The following EYS variants were observed in gnomAD, a reference collection of about 807,000 sequenced individuals.
EYS encodes EGF-like photoreceptor maintenance factor.
A neutral mutation model predicts 282.1 loss-of-function variants in EYS; 250 were observed. The ratio of observed to expected loss-of-function variants is 0.89; its 90% CI spans 0.80 to 0.98. The LOEUF is 0.98. EYS is among the 50% of genes least tolerant of loss of function. The probability of loss-of-function intolerance (pLI) is 0.00; values close to 1 mark genes in which losing one functional copy is unlikely to be tolerated. For synonymous variants in EYS, 1,355 were observed against 1,282.9 expected (o/e 1.06, Z -1.20); for missense variants, 4,016 against 3,709.0 (o/e 1.08, Z -2.15).
In EYS at chr6:64,591,806, C is replaced by A. The variant is rs1766421024; in HGVS notation, c.4061G>T (p.Gly1354Val). 6.4e-7 allele frequency: 1 copy of A among 1,551,158 alleles called. No individual in the cohort carries two copies. The highest frequency in any genetic ancestry group is 8.7e-7 in the Non-Finnish European group (1 of 1,146,698). Residue 1354 changes from glycine to valine, a missense_variant, in exon 26 of 43, where the codon GGT becomes GTT. Transcript: ENST00000503581. ...GACAATTTGTGCTGGGTCACGAATA[C>A]CAAAATTCAGGAATCGAGAAGAGGA... ...DVSSSRFLNF[G>V]IRDPAQIVQD...
intron 12 of EYS, among the ~76,000 whole-genome samples, chr6:65,217,944 A>C (rs1276336979): frequency 6.6e-6 from 1 of 152,072 alleles, no homozygotes; most frequent in Non-Finnish European, 1.5e-5. Context: ...CAAGAGTAGA[A>C]GCACTGAGAC....
chr6:64,775,153 T>G (rs1438484833), intron 22 of EYS, among the ~76,000 whole-genome samples: 3 of 151,940 alleles, frequency 2.0e-5, no homozygotes, highest in Admixed American at 6.6e-5. Flanking sequence ...CCAAATCAAA[T>G]TATTTCTAAA....
intron 22 of EYS, among the ~76,000 whole-genome samples, chr6:64,761,701 C>A (rs1773165358): frequency 6.6e-6 from 1 of 152,134 alleles, no homozygotes; most frequent in Non-Finnish European, 1.5e-5. Flanking sequence ...GTGATCGGCC[C>A]ACCTCGGCCT....
At chr6:64,116,279 A>G (rs1773381757) in intron 31 of EYS, among the ~76,000 whole-genome samples, 1 of 152,136 alleles carries the variant, frequency 6.6e-6, no homozygotes, top group Non-Finnish European at 1.5e-5. Context: ...ACTTTTTAAC[A>G]TATAAGAAAA....
chr6:64,250,321 G>C (rs996936246), intron 30 of EYS, among the ~76,000 whole-genome samples: 1 of 152,144 alleles, frequency 6.6e-6, no homozygotes, highest in Non-Finnish European at 1.5e-5. Context: ...TTCCTGCTCA[G>C]TTGGGTCATA....
intron 2 of EYS, among the ~76,000 whole-genome samples, chr6:65,630,912 G>T (rs1406592040): frequency 6.6e-6 from 1 of 152,144 alleles, no homozygotes; most frequent in Non-Finnish European, 1.5e-5. Context: ...TGGTAGTTAA[G>T]AACCAAAGAT....
rs558365339 is a variant in EYS at position 65,608,225 on chromosome 6, C to T, written c.-333+31553G>A. 2.6e-5 allele frequency among the ~76,000 whole-genome samples: 4 copies of T among 152,104 alleles called. No homozygotes were observed. In the East Asian group the frequency reaches 5.8e-4, roughly 22 times the overall value. ...TAGCCTATTGCTCCTAGGCTACAAA[C>T]CTGTATGAGGTACTACTGTACAGAA... On this transcript the variant is annotated intron_variant, in intron 2 of 42. Transcript: ENST00000503581.
chr6:64,495,106 T>C (rs1047070572), intron 26 of EYS, among the ~76,000 whole-genome samples: 4 of 151,688 alleles, frequency 2.6e-5, no homozygotes, highest in African/African-American at 9.7e-5. Flanking sequence ...TGAATAAATG[T>C]TTATATTATT....
At chr6:64,107,271 G>GTA (rs1262221890) in intron 31 of EYS, among the ~76,000 whole-genome samples, 11 of 99,960 alleles carry the variant, frequency 1.1e-4, no homozygotes, top group South Asian at 3.1e-4. Context: ...GTGTGTGTGT[G>GTA]TATATATATA....
intron 12 of EYS, among the ~76,000 whole-genome samples, chr6:65,063,280 A>G (rs559624947): frequency 1.1e-3 from 165 of 152,058 alleles, no homozygotes; most frequent in Non-Finnish European, 1.8e-3. Flanking sequence ...ATCCTACTGA[A>G]CTTGTTTGAT....
At chr6:65,053,364 T>C (rs1011711943) in intron 13 of EYS, among the ~76,000 whole-genome samples, 3 of 151,842 alleles carry the variant, frequency 2.0e-5, no homozygotes, top group African/African-American at 7.2e-5. Flanking sequence ...AACAAATTCA[T>C]AAATGCATAA....
At chr6:63,969,388 T>G (rs1766450261) in intron 35 of EYS, among the ~76,000 whole-genome samples, 1 of 152,184 alleles carries the variant, frequency 6.6e-6, no homozygotes, top group African/African-American at 2.4e-5. Context: ...AATTTGCATT[T>G]AAAAAAGAGC....
intron 12 of EYS, among the ~76,000 whole-genome samples, chr6:65,128,407 G>A (rs534966584): frequency 3.9e-5 from 6 of 151,942 alleles, no homozygotes; most frequent in East Asian, 1.9e-4. Context: ...ATGACAATAC[G>A]ATTTTATACC....
intron 35 of EYS, among the ~76,000 whole-genome samples, chr6:63,883,391 A>G (rs1773183484): frequency 6.6e-6 from 1 of 152,238 alleles, no homozygotes. Context: ...ACTTCTCACC[A>G]TAAACAGCAA....
chr6:64,288,723 ACAT>A (rs1768589166), intron 30 of EYS, among the ~76,000 whole-genome samples: 1 of 152,210 alleles, frequency 6.6e-6, no homozygotes, highest in Admixed American at 6.6e-5. Flanking sequence ...CCAGGCTGAA[ACAT>A]CATAAAAATT....
intron 19 of EYS, among the ~76,000 whole-genome samples, chr6:64,836,836 C>G (rs115313878): frequency 6.6e-6 from 1 of 151,512 alleles, no homozygotes; most frequent in Non-Finnish European, 1.5e-5. Flanking sequence ...CTGTGAAATT[C>G]CACTTTTGAA....
rs1188564703 is a variant in EYS at position 65,443,373 on chromosome 6, CACATATAG to C, written c.863-38014_863-38007del. 1.4e-5 allele frequency among the ~76,000 whole-genome samples: 2 copies of C among 140,456 alleles called. 1 individual carries two copies. Among genetic ancestry groups the C allele is most frequent in the South Asian group, 4.5e-4 (2 of 4,426 alleles). 92.1% of individuals were successfully genotyped at this position (140,456 alleles called of 152,430 possible). Reference sequence around the variant, plus strand: ...AGACATATATGCATACATGTATGTACACATATAGACATATATGCATACATGTATGTACA... The same window carrying C: ...AGACATATATGCATACATGTATGTACACATATATGCATACATGTATGTACA... On this transcript the variant is annotated intron_variant, in intron 5 of 42. Transcript: ENST00000503581.
At chr6:63,901,990 T>C (rs1773670392) in intron 35 of EYS, among the ~76,000 whole-genome samples, 1 of 152,140 alleles carries the variant, frequency 6.6e-6, no homozygotes, top group Non-Finnish European at 1.5e-5. Context: ...CCCCCCTGGT[T>C]CAAGTGACCC....
chr6:64,236,946 A>G (rs1349991030), intron 30 of EYS, among the ~76,000 whole-genome samples: 1 of 151,982 alleles, frequency 6.6e-6, no homozygotes, highest in Non-Finnish European at 1.5e-5. Flanking sequence ...TGTATCTTTG[A>G]CAAAAATCTC....
Sources: gnomAD v4.1 joint callset for allele counts (sites outside exome capture counted in the v4.1 genomes callset) on GRCh38, gnomAD v4.1.1 for gene constraint, MANE v1.5 for transcripts, NCBI Gene and HGNC (gene_info 2026-07-23, HGNC 2026-07-21) for gene names.